Variants in LRP1B observed in about 807,000 individuals in gnomAD.
LRP1B encodes the protein low-density lipoprotein receptor-related protein 1B.
Under a neutral mutation model 556.6 loss-of-function variants are expected in LRP1B, and 217 were observed. That is an observed-to-expected ratio of 0.39 (90% confidence interval 0.35 to 0.44). The LOEUF is 0.44. LRP1B is among the 20% of genes least tolerant of loss of function. The pLI is 1.00. For synonymous variants in LRP1B, 2,047 were observed against 1,865.8 expected (o/e 1.10, Z -2.50); for missense variants, 5,053 against 5,620.8 (o/e 0.90, Z 3.23).
intron 66 of LRP1B, among the ~76,000 whole-genome samples, chr2:140,395,322 G>A (rs908791734): frequency 3.3e-5 from 5 of 152,150 alleles, no homozygotes; most frequent in Non-Finnish European, 7.3e-5. Context: ...AGCCACCTTT[G>A]TTTTAGCATA....
chr2:142,016,540 A>T (rs563085781), intron 1 of LRP1B, among the ~76,000 whole-genome samples: 1 of 152,272 alleles, frequency 6.6e-6, no homozygotes, highest in South Asian at 2.1e-4. Context: ...GACATGGATG[A>T]AGCTGGAAAC....
At chr2:141,626,110 G>A (rs1323919698) in intron 2 of LRP1B, among the ~76,000 whole-genome samples, 6 of 151,878 alleles carry the variant, frequency 4.0e-5, no homozygotes. Flanking sequence ...AGCACATGAA[G>A]AAACAAACAT....
At chr2:141,322,673 A>G (rs1398635025) in intron 3 of LRP1B, among the ~76,000 whole-genome samples, 5 of 152,058 alleles carry the variant, frequency 3.3e-5, no homozygotes, top group Non-Finnish European at 2.9e-5. Flanking sequence ...GAAAAAGAGT[A>G]AAAACTAAGC....
At chr2:140,749,048 G>A (rs999846074) in intron 35 of LRP1B, among the ~76,000 whole-genome samples, 1 of 151,560 alleles carries the variant, frequency 6.6e-6, no homozygotes, top group African/African-American at 2.4e-5. Context: ...TTATTGTACT[G>A]AGTACTGTAG....
intron 1 of LRP1B, among the ~76,000 whole-genome samples, chr2:141,848,785 T>TA (rs1392705133): frequency 6.6e-6 from 1 of 151,368 alleles, no homozygotes; most frequent in Non-Finnish European, 1.5e-5. Context: ...GATTGAGATT[T>TA]AAAAAACAAG....
At chr2:141,351,270 T>A (rs1467818965) in intron 3 of LRP1B, among the ~76,000 whole-genome samples, 1 of 152,060 alleles carries the variant, frequency 6.6e-6, no homozygotes, top group East Asian at 1.9e-4. Context: ...CTGAATTGAA[T>A]TTTTCTTATA....
At chr2:141,547,263 T>G (rs1685586605) in intron 2 of LRP1B, among the ~76,000 whole-genome samples, 1 of 152,218 alleles carries the variant, frequency 6.6e-6, no homozygotes, top group South Asian at 2.1e-4. Context: ...CTCTAATGTC[T>G]GTCAGATCAA....
chr2:140,402,577 C>T (rs1169683227), intron 66 of LRP1B, among the ~76,000 whole-genome samples: 1 of 152,178 alleles, frequency 6.6e-6, no homozygotes, highest in Non-Finnish European at 1.5e-5. Flanking sequence ...CCTGTCTGAT[C>T]TGAGTAGCTG....
intron 32 of LRP1B, among the ~76,000 whole-genome samples, chr2:140,786,474 G>T (rs1347599438): frequency 6.6e-6 from 1 of 152,184 alleles, no homozygotes; most frequent in Admixed American, 6.5e-5. Flanking sequence ...TTTGCTTACA[G>T]CAGTCTGTTA....
intron 3 of LRP1B, among the ~76,000 whole-genome samples, chr2:141,478,131 G>A (rs959221779): frequency 7.2e-5 from 11 of 152,006 alleles, no homozygotes; most frequent in Non-Finnish European, 1.5e-4. Context: ...AAAATTAAAA[G>A]TATTTTATTT....
intron 46 of LRP1B, among the ~76,000 whole-genome samples, chr2:140,535,994 G>T (rs925676218): frequency 9.5e-4 from 144 of 152,152 alleles, no homozygotes; most frequent in African/African-American, 3.4e-3. Flanking sequence ...CCAACGATGT[G>T]CTATTGTCTG....
rs1418454364 is a variant in LRP1B, at chr2:140,391,802, GATTT to G, written c.10415-5797_10415-5794del. Among the ~76,000 whole-genome samples the G allele has an allele frequency of 1.4e-4, 22 of 152,190 alleles. No individual in the cohort carries two copies. The East Asian group carries it at 2.7e-3, about 19-fold the overall frequency. On this transcript the variant is annotated intron_variant, in intron 66 of 90. Transcript: ENST00000389484. ...AAAGTACATATATTATTTTCCTAGA[GATTT>G]ATTTGACATTTGAGGCTACCATGTT...
chr2:140,375,813 C>G (rs1395230604), intron 68 of LRP1B, among the ~76,000 whole-genome samples: 2 of 152,024 alleles, frequency 1.3e-5, no homozygotes, highest in Admixed American at 6.6e-5. Context: ...TAATCATTTT[C>G]TGTGTGTGCC....
At chr2:141,289,384 A>C (rs1373440823) in intron 3 of LRP1B, among the ~76,000 whole-genome samples, 1 of 140,818 alleles carries the variant, frequency 7.1e-6, no homozygotes, top group African/African-American at 2.6e-5. Context: ...TCCATCTCAA[A>C]AAAAAAAAAA....
At chr2:141,837,767 A>G (rs1697334501) in intron 1 of LRP1B, among the ~76,000 whole-genome samples, 1 of 152,104 alleles carries the variant, frequency 6.6e-6, no homozygotes, top group Non-Finnish European at 1.5e-5. Flanking sequence ...GAAATAAAGG[A>G]CTAGGTAGAT....
chr2:141,408,215 T>G (rs1690710652), intron 3 of LRP1B, among the ~76,000 whole-genome samples: 2 of 146,306 alleles, frequency 1.4e-5, no homozygotes, highest in South Asian at 4.3e-4. Context: ...TGATCTCGGC[T>G]CACTGCAAGC....
intron 2 of LRP1B, among the ~76,000 whole-genome samples, chr2:141,582,998 G>T (rs190500742): frequency 1.3e-5 from 2 of 151,782 alleles, no homozygotes; most frequent in Non-Finnish European, 2.9e-5. Context: ...ACCATGCCTG[G>T]CTAATTTTTT....
intron 31 of LRP1B, among the ~76,000 whole-genome samples, chr2:140,816,374 C>T (rs568756867): frequency 6.6e-6 from 1 of 152,114 alleles, no homozygotes; most frequent in Non-Finnish European, 1.5e-5. Flanking sequence ...CCTCGGCCTC[C>T]CAAACTGCTG....
At chr2:141,178,115 T>G (rs994863836) in intron 7 of LRP1B, among the ~76,000 whole-genome samples, 1 of 152,104 alleles carries the variant, frequency 6.6e-6, no homozygotes, top group Non-Finnish European at 1.5e-5. Context: ...CTTTGTCTCT[T>G]CATATCTTAA....
Sources: gnomAD v4.1 joint callset for allele counts (sites outside exome capture counted in the v4.1 genomes callset) on GRCh38, gnomAD v4.1.1 for gene constraint, MANE v1.5 for transcripts, NCBI Gene and HGNC (gene_info 2026-07-23, HGNC 2026-07-21) for gene names.